The following ZFAT variants were observed in gnomAD, a reference collection of about 807,000 sequenced individuals.
The protein encoded by ZFAT is zinc finger and AT-hook domain containing, also known as zinc finger protein ZFAT.
A neutral mutation model predicts 117.7 loss-of-function variants in ZFAT; 64 were observed. That is an observed-to-expected ratio of 0.54 (90% CI 0.44 to 0.67). The LOEUF (loss-of-function observed/expected upper bound fraction) is 0.67, where lower values mean the gene tolerates loss of function less well. ZFAT is among the 30% of genes least tolerant of loss of function. The pLI is 0.00. For synonymous variants in ZFAT, 679 were observed against 615.0 expected (o/e 1.10, Z -1.54); for missense variants, 1,433 against 1,584.5 (o/e 0.90, Z 1.62).
At chr8:134,608,004 G>C (rs1473455799) in intron 5 of ZFAT, among the ~76,000 whole-genome samples, 1 of 152,324 alleles carries the variant, frequency 6.6e-6, no homozygotes, top group East Asian at 1.9e-4. Flanking sequence ...ATGGAAAGAT[G>C]TATACACCAA....
intron 3 of ZFAT, among the ~76,000 whole-genome samples, chr8:134,618,136 T>C (rs1004415768): frequency 2.0e-5 from 3 of 152,138 alleles, no homozygotes; most frequent in African/African-American, 7.2e-5. Flanking sequence ...CCTCTTTTTC[T>C]TCCCAGTCTC....
chr8:134,483,569 A>G lies in ZFAT; in HGVS notation c.3493-4848T>C, dbSNP rs1415958787. Among the ~76,000 whole-genome samples, 4 of 152,258 alleles carry G rather than the reference A, an allele frequency of 2.6e-5. No homozygotes were observed. In the East Asian group the frequency reaches 7.7e-4, roughly 29 times the overall value. ...CAGGCTTAAAATTGTTCTTCACCAC[A>G]GAAATAATATGGCGCTCACAGTGTC... On this transcript the variant is annotated intron_variant, in intron 15 of 15. Coordinates refer to ENST00000377838, the MANE Select transcript of ZFAT (RefSeq NM_020863.4).
rs181143155 is a variant in ZFAT at position 134,586,593 on chromosome 8, T to C, written c.2713+1653A>G. 2.9e-3 allele frequency among the ~76,000 whole-genome samples: 441 copies of C among 152,372 alleles called. 5 individuals carry two copies. In the South Asian group the frequency reaches 0.038, roughly 13 times the overall value. Reference sequence around the variant, plus strand: ...TGTGCTTCCATCAGGGTCAGCTCCCTGCTGATTCCCATGAATGCCATTCCA... The same window carrying C: ...TGTGCTTCCATCAGGGTCAGCTCCCCGCTGATTCCCATGAATGCCATTCCA... On this transcript the variant is annotated intron_variant, in intron 9 of 15. Coordinates refer to ENST00000377838, the MANE Select transcript of ZFAT (RefSeq NM_020863.4).
rs116257265 is a variant in ZFAT at position 134,534,309 on chromosome 8, G to A, written c.2977-1337C>T. 6.7e-3 allele frequency among the ~76,000 whole-genome samples: 1,017 copies of A among 152,242 alleles called. 9 individuals carry two copies. The highest frequency in any genetic ancestry group is 0.024 in the African/African-American group (986 of 41,544). ...TCTTACTGTGCATCTGGAAGCTAAC[G>A]TACCACTGCATCTATTAAGACCTCA... On this transcript the variant is annotated intron_variant, in intron 11 of 15. Transcript: ENST00000377838.
the ZFAT span, among the ~76,000 whole-genome samples, chr8:134,779,200 G>A: frequency 2.0e-5 from 3 of 152,148 alleles, no homozygotes; most frequent in Non-Finnish European, 4.4e-5. Flanking sequence ...CTCATTCCCC[G>A]CAGGACAGTG....
chr8:134,605,673 C>T (rs1827835168), intron 5 of ZFAT, among the ~76,000 whole-genome samples: 1 of 152,148 alleles, frequency 6.6e-6, no homozygotes, highest in African/African-American at 2.4e-5. Flanking sequence ...GATGATGGTG[C>T]TCATGGCTCA....
chr8:134,765,094 A>G, the ZFAT span: 1 of 152,264 alleles, frequency 6.6e-6, no homozygotes, highest in Admixed American at 6.5e-5. Flanking sequence ...TAGGATGTAT[A>G]CAGCTCAAAT....
In ZFAT at chr8:134,584,025, T is replaced by C; in HGVS notation, c.2714-20A>G. 1.3e-6 allele frequency: 2 copies of C among 1,546,826 alleles called. No homozygotes were observed. Among genetic ancestry groups the C allele is most frequent in the Non-Finnish European group, 8.7e-7 (1 of 1,144,068 alleles). Reference sequence around the variant, plus strand: ...TCACACCTGCCAAGGGAAAAATGTATATATCTCTATATATTTACATACGTT... The same window carrying C: ...TCACACCTGCCAAGGGAAAAATGTACATATCTCTATATATTTACATACGTT... On this transcript the variant is annotated intron_variant, in intron 9 of 15. Transcript: ENST00000377838.
the ZFAT span, among the ~76,000 whole-genome samples, chr8:134,781,602 C>T: frequency 6.6e-6 from 1 of 152,110 alleles, no homozygotes; most frequent in East Asian, 1.9e-4. Flanking sequence ...GGTTACAGTG[C>T]ATGCTTGAAC....
Position 134,602,028 on chromosome 8 carries a change from G to A in ZFAT, c.1691C>T (p.Ser564Phe), listed in dbSNP as rs377709470. The A allele has an allele frequency of 1.0e-4, 168 of 1,612,024 alleles. No individual in the cohort carries two copies. Among genetic ancestry groups the A allele is most frequent in the Non-Finnish European group, 1.3e-4 (149 of 1,179,668 alleles). ...EMPAPAVHLASPQAESTALPP... is the reference protein window; with the variant it reads ...EMPAPAVHLAFPQAESTALPP... Reference sequence around the variant, plus strand: ...CAGGGCTGTGCTTTCGGCCTGCGGGGAGGCCAGGTGCACAGCTGGGGCAGG... The same window carrying A: ...CAGGGCTGTGCTTTCGGCCTGCGGGAAGGCCAGGTGCACAGCTGGGGCAGG... The change falls in exon 6 of 16, where the codon TCC becomes TTC. Residue 564 changes from serine to phenylalanine, a missense_variant. By Grantham distance (155) the Ser-to-Phe change is radical (BLOSUM62 -2). This residue lies in a region of ZFAT where 372 missense variants were observed against 355.6 expected (regional missense o/e 1.05). Coordinates refer to ENST00000377838, the MANE Select transcript of ZFAT (RefSeq NM_020863.4).
the ZFAT span, among the ~76,000 whole-genome samples, chr8:134,756,247 ACTC>A: frequency 6.6e-6 from 1 of 151,554 alleles, no homozygotes; most frequent in African/African-American, 2.4e-5. Flanking sequence ...ATTAATCAGA[ACTC>A]CTCACACTTA....
rs772715058 is a variant in ZFAT, at chr8:134,652,364, GA to G, written c.196+5196del. 4.5e-3 allele frequency among the ~76,000 whole-genome samples: 692 copies of G among 152,242 alleles called. 5 individuals are homozygous for G. The highest frequency in any genetic ancestry group is 0.015 in the African/African-American group (624 of 41,542). ...AGCTCCATTCAGATTTCTTTACAAA[GA>G]AATCTAAAGTGTATTCTATAGCAGA... On this transcript the variant is annotated intron_variant, in intron 2 of 15. Transcript: ENST00000377838.
intron 10 of ZFAT, among the ~76,000 whole-genome samples, chr8:134,570,553 G>C (rs1445622656): frequency 1.3e-5 from 2 of 152,294 alleles, no homozygotes; most frequent in African/African-American, 2.4e-5. Flanking sequence ...TGGCACCCTT[G>C]CAGGTTGTGG....
chr8:134,700,128 G>C (rs1338781041), intron 1 of ZFAT, among the ~76,000 whole-genome samples: 1 of 152,242 alleles, frequency 6.6e-6, no homozygotes, highest in African/African-American at 2.4e-5. Flanking sequence ...CCAGTCCAGT[G>C]TGTACCTCAC....
intron 2 of ZFAT, among the ~76,000 whole-genome samples, chr8:134,638,645 C>T (rs1011399062): frequency 6.7e-5 from 10 of 150,140 alleles, no homozygotes; most frequent in Admixed American, 6.0e-4. Flanking sequence ...AGGAGAATGG[C>T]GTGAACTGGG....
In ZFAT at chr8:134,590,354, T is replaced by A. The variant is rs777335737; in HGVS notation, c.2477A>T (p.Asp826Val). 1.9e-6 allele frequency: 3 copies of A among 1,606,816 alleles called. No individual in the cohort carries two copies. In the African/African-American group the frequency reaches 4.0e-5, roughly 22 times the overall value. ...AACAGGACAAGAATAACTCCTTTTG[T>A]CCTTAATAGAAAGAGAACATAATCA... ...QAHLKVHTAL[D>V]KRSYSCPVCE... Residue 826 changes from aspartate (D) to valine (V), a missense_variant and splice_region_variant, in exon 8 of 16, where the codon GAC becomes GTC. Asp to Val is a radical substitution (Grantham distance 152, BLOSUM62 -3). Transcript: ENST00000377838.
chr8:134,811,303 T>C, the ZFAT span, among the ~76,000 whole-genome samples: 2 of 152,260 alleles, frequency 1.3e-5, no homozygotes, highest in African/African-American at 4.8e-5. Context: ...TGCTGAAGAC[T>C]GGGAAGCACA....
intron 15 of ZFAT, among the ~76,000 whole-genome samples, chr8:134,506,477 T>G (rs1014881355): frequency 1.3e-5 from 2 of 152,208 alleles, no homozygotes; most frequent in African/African-American, 4.8e-5. Context: ...TTAAATGGTC[T>G]CAATTATGGG....
At chr8:134,665,752 G>A (rs528023129) in intron 1 of ZFAT, among the ~76,000 whole-genome samples, 2 of 152,180 alleles carry the variant, frequency 1.3e-5, no homozygotes, top group South Asian at 2.1e-4. Flanking sequence ...AGAGAGAGAT[G>A]GACAGGAGAA....
Sources: allele counts gnomAD v4.1 joint callset (sites outside exome capture counted in the v4.1 genomes callset), GRCh38; gene constraint gnomAD v4.1.1; regional missense constraint gnomAD v4.1.1; transcripts MANE v1.5; gene names NCBI Gene and HGNC (gene_info 2026-07-23, HGNC 2026-07-21).